The following LRP1 variants were observed in gnomAD, a reference collection of about 807,000 sequenced individuals.
LRP1 encodes LDL receptor related protein 1, also known as prolow-density lipoprotein receptor-related protein 1.
In LRP1, 51 loss-of-function variants were observed where a neutral mutation model predicts 541.5. The ratio of observed to expected loss-of-function variants is 0.09; its 90% CI spans 0.08 to 0.12. The LOEUF (loss-of-function observed/expected upper bound fraction) is 0.12, where lower values mean the gene tolerates loss of function less well. Among genes scored for constraint, LRP1 ranks in the 10% least tolerant of loss-of-function variants. The probability of loss-of-function intolerance (pLI) is 1.00; values close to 1 mark genes in which losing one functional copy is unlikely to be tolerated. For synonymous variants in LRP1, 2,219 were observed against 2,470.8 expected (o/e 0.90, Z 3.02); for missense variants, 3,878 against 6,376.2 (o/e 0.61, Z 13.34).
In LRP1 at chr12:57,173,659, C is replaced by A; in HGVS notation, c.3347-121C>A. The A allele has an allele frequency of 9.4e-7, 1 of 1,065,004 alleles. No individual in the cohort carries two copies. The highest frequency in any genetic ancestry group is 1.4e-5 in the South Asian group (1 of 71,502). The allele number at this position is 1,065,004 out of a possible 1,614,324, so 66.0% of individuals were successfully genotyped here. A position where few individuals can be genotyped will look rare whatever the true frequency, so the allele number is the denominator to read the frequency against. On this transcript the variant is annotated intron_variant, in intron 21 of 88. Transcript: ENST00000243077. The surrounding 1 kb of genome is among the most constrained non-coding windows in gnomAD (Gnocchi z 4.7). ...TTTGACCCAAAAAGCCTCGGGGTTC[C>A]TCGTGGACCCCACAGCGTTGCAATC...
chr12:57,204,986 T>C lies in LRP1; in HGVS notation c.11195-123T>C, dbSNP rs768526846. ...GAGGTGGGGCTGGGAACCCAAATGT[T>C]TGACCTGCTCCCCCTGCAAGCCTTG... On this transcript the variant is annotated intron_variant, in intron 72 of 88. Transcript: ENST00000243077. This position sits in a 1 kb window ranked among gnomAD's most constrained non-coding sequence, Gnocchi z 5.3. 1 of 1,452,276 alleles carries C rather than the reference T, an allele frequency of 6.9e-7. No individual in the cohort carries two copies. Among genetic ancestry groups the C allele is most frequent in the Non-Finnish European group, 9.3e-7 (1 of 1,074,654 alleles). 90.0% of individuals were successfully genotyped at this position (1,452,276 alleles called of 1,614,324 possible). A position where few individuals can be genotyped will look rare whatever the true frequency, so the allele number is the denominator to read the frequency against.
Position 57,194,388 on chromosome 12 carries a change from C to T in LRP1, c.7953C>T (p.Gly2651=), listed in dbSNP as rs768769217. 2 of 1,515,838 alleles carry T rather than the reference C, an allele frequency of 1.3e-6. No homozygotes were observed. Among genetic ancestry groups the T allele is most frequent in the South Asian group, 1.3e-5 (1 of 75,196 alleles). 93.9% of individuals were successfully genotyped at this position (1,515,838 alleles called of 1,614,324 possible). ...ACTGCAGCAGCTACTTCCGCCTGGGCGTGAAGGGCGTGCTCTTCCAGCCCT... is the reference window on the plus strand; with the variant it reads ...ACTGCAGCAGCTACTTCCGCCTGGGTGTGAAGGGCGTGCTCTTCCAGCCCT... ...ATDCSSYFRL[G]VKGVLFQPCE... Residue 2651 remains glycine (G), a synonymous_variant, in exon 49 of 89, where the codon GGC becomes GGT. Coordinates refer to ENST00000243077, the MANE Select transcript of LRP1 (RefSeq NM_002332.3).
In LRP1 at chr12:57,183,575, C is replaced by T; in HGVS notation, c.5794+65C>T. On this transcript the variant is annotated intron_variant, in intron 35 of 88. Coordinates refer to ENST00000243077, the MANE Select transcript of LRP1 (RefSeq NM_002332.3). The surrounding 1 kb of genome is among the most constrained non-coding windows in gnomAD (Gnocchi z 6.1). ...GGAGCTTTAGGGGTGGTGTGGTGTG[C>T]CCTGAGGGTCCAGTGAGAGGCTGCC... The T allele has an allele frequency of 1.9e-6, 3 of 1,554,574 alleles. No homozygotes were observed. The highest frequency in any genetic ancestry group is 1.9e-5 in the Admixed American group (1 of 53,662).
chr12:57,190,171 C>T (rs1355842448), intron 42 of LRP1, among the ~76,000 whole-genome samples: 1 of 152,162 alleles, frequency 6.6e-6, no homozygotes, highest in African/African-American at 2.4e-5. Flanking sequence ...GAAGGGGACT[C>T]TTGAGAGCTG....
chr12:57,166,189 A>T lies in LRP1; in HGVS notation c.2777A>T (p.Glu926Val). The change falls in exon 17 of 89, where the codon GAG becomes GTG. Residue 926 changes from glutamate (E) to valine (V), a missense_variant. Coordinates refer to ENST00000243077, the MANE Select transcript of LRP1 (RefSeq NM_002332.3). ...GDNDCGNSED[E>V]SNATCSARTC... ...AATGACTGTGGGAACAGTGAAGATG[A>T]GTCCAATGCCACTTGTTCAGGTGTG... The T allele has an allele frequency of 6.2e-7, 1 of 1,612,290 alleles. No homozygotes were observed. The highest frequency in any genetic ancestry group is 8.5e-7 in the Non-Finnish European group (1 of 1,179,208).
chr12:57,191,066 T>G (rs944882698), intron 43 of LRP1, 57 bp downstream of exon 43: 1 of 1,534,652 alleles, frequency 6.5e-7, no homozygotes, highest in Non-Finnish European at 8.8e-7. Flanking sequence ...AGGGCCAGGG[T>G]CAGCCGTCAA....
At chr12:57,151,204 A>T (rs2136670758) in intron 6 of LRP1, among the ~76,000 whole-genome samples, 1 of 152,278 alleles carries the variant, frequency 6.6e-6, no homozygotes, top group East Asian at 1.9e-4. Flanking sequence ...AATGGGAATG[A>T]TGGAGAAGTT....
rs2036844152 is a variant in LRP1 at position 57,208,798 on chromosome 12, C to G, written c.12126C>G (p.Asp4042Glu). 1 of 1,613,832 alleles carries G rather than the reference C, an allele frequency of 6.2e-7. No individual in the cohort carries two copies. Among genetic ancestry groups the G allele is most frequent in the African/African-American group, 1.3e-5 (1 of 74,912 alleles). The change falls in exon 78 of 89, where the codon GAC (aspartate) becomes GAG (glutamate). Residue 4042 changes from aspartate (D) to glutamate (E), a missense_variant. Physicochemically the swap from Asp to Glu is conservative, Grantham distance 45 (BLOSUM62 2). This residue lies in a region of LRP1 where 871 missense variants were observed against 1,212.4 expected (regional missense o/e 0.72). Coordinates refer to ENST00000243077, the MANE Select transcript of LRP1 (RefSeq NM_002332.3). ...CGCTTCGGGAGACACTGGTGCAGGA[C>G]AACATTCAGTGGCCCACAGGTTTGT... ...DGTLRETLVQ[D>E]NIQWPTGLAV...
At position 57,201,756 on chromosome 12, in the gene LRP1, C is replaced by T. The variant is rs1335214190; in HGVS notation, c.10469-24C>T. ...ACACTCCTGGAAGGAGTCTCATCCT[C>T]ACCCCATGCCCACCCGCTTGCAGCC... is the stretch of plus-strand genomic sequence containing the variant. On this transcript the variant is annotated intron_variant, in intron 66 of 88. Coordinates refer to ENST00000243077, the MANE Select transcript of LRP1 (RefSeq NM_002332.3). The surrounding 1 kb of genome is among the most constrained non-coding windows in gnomAD (Gnocchi z 6.4). 1.2e-6 allele frequency: 2 copies of T among 1,612,912 alleles called. No homozygotes were observed. Among genetic ancestry groups the T allele is most frequent in the East Asian group, 2.2e-5 (1 of 44,868 alleles).
At position 57,154,808 on chromosome 12, in the gene LRP1, G is replaced by A. The variant is rs1420891408; in HGVS notation, c.1227+107G>A. ...ACCGTTCTCTGAGTCTCCTGGTAAA[G>A]AGCGTGGATGCCCCAGGCCTCTAGT... On this transcript the variant is annotated intron_variant, in intron 8 of 88. Transcript: ENST00000243077. The surrounding 1 kb of genome is among the most constrained non-coding windows in gnomAD (Gnocchi z 4.6). 4.1e-5 allele frequency: 42 copies of A among 1,030,318 alleles called. No homozygotes were observed. The highest frequency in any genetic ancestry group is 6.0e-5 in the Non-Finnish European group (41 of 681,310). The allele number at this position is 1,030,318 out of a possible 1,614,324, so 63.8% of individuals were successfully genotyped here.
chr12:57,195,622 G>T, intron 52 of LRP1, 36 bp from the exon 53 acceptor site: 2 of 1,613,756 alleles, frequency 1.2e-6, no homozygotes, highest in Non-Finnish European at 1.7e-6. Flanking sequence ...CGCTGGCCAG[G>T]CAGGGCTGAA....
Position 57,173,136 on chromosome 12 carries a change from C to T in LRP1, c.3164-32C>T, listed in dbSNP as rs1229455179. The T allele has an allele frequency of 6.4e-7, 1 of 1,562,332 alleles. No individual in the cohort carries two copies. The highest frequency in any genetic ancestry group is 2.1e-4 in the Middle Eastern group (1 of 4,752). ...AGGAGGGCTGACCTGGGCAACCCCT[C>T]CCTCCTGAGGCCCTCCACTGTCCCT... On this transcript the variant is annotated intron_variant, in intron 20 of 88. Transcript: ENST00000243077. The surrounding 1 kb of genome is among the most constrained non-coding windows in gnomAD (Gnocchi z 4.7).
At position 57,190,995 on chromosome 12, in the gene LRP1, G is replaced by A. The variant is rs1440501744; in HGVS notation, c.7222G>A (p.Gly2408Ser). 1 of 1,610,858 alleles carries A rather than the reference G, an allele frequency of 6.2e-7. No individual in the cohort carries two copies. The highest frequency in any genetic ancestry group is 8.5e-7 in the Non-Finnish European group (1 of 1,179,834). ...LDKIERCEYD[G>S]SHRYVILKSE... ...CAAGATCGAGCGGTGCGAGTATGAC[G>A]GCTCCCACCGCTATGTGAGTCTGCG... The change falls in exon 43 of 89, where the codon GGC (glycine) becomes AGC (serine). Residue 2408 changes from glycine (G) to serine (S), a missense_variant. Around this residue, in one of 13 missense-constraint regions of LRP1, gnomAD observed 1,100 missense variants for 1,827.4 expected, o/e 0.60. Coordinates refer to ENST00000243077, the MANE Select transcript of LRP1 (RefSeq NM_002332.3).
At position 57,187,289 on chromosome 12, in the gene LRP1, G is replaced by A. The variant is rs1161048368; in HGVS notation, c.6864G>A (p.Leu2288=). 2 of 1,613,860 alleles carry A rather than the reference G, an allele frequency of 1.2e-6. No homozygotes were observed. The highest frequency in any genetic ancestry group is 1.7e-5 in the Admixed American group (1 of 59,998). ...IVENVGSVEG[L]AYHRGWDTLY... The stretch of plus-strand genomic sequence containing the variant: ...CAGACGTGGGCTCCGTGGAAGGCCT[G>A]GCCTATCACCGTGGCTGGGACACTC... Residue 2288 remains leucine, a synonymous_variant, in exon 42 of 89, where the codon CTG becomes CTA. Transcript: ENST00000243077.
rs775036140 is a variant in LRP1 at position 57,211,389 on chromosome 12, C to A, written c.13091+39C>A. 2.5e-6 allele frequency: 4 copies of A among 1,610,572 alleles called. No homozygotes were observed. The South Asian group carries it at 4.4e-5, about 18-fold the overall frequency. ...TCCTCCACAGTTCCACCCAGCTGGG[C>A]CCCTGCCCTGTCCTAGCCCTGCCCT... On this transcript the variant is annotated intron_variant, in intron 84 of 88. Transcript: ENST00000243077. The surrounding 1 kb of genome is among the most constrained non-coding windows in gnomAD (Gnocchi z 4.3).
rs1379680482 is a variant in LRP1 at position 57,158,152 on chromosome 12, G to A, written c.1562-250G>A. 6.6e-6 allele frequency among the ~76,000 whole-genome samples: 1 copy of A among 152,206 alleles called. No individual in the cohort carries two copies. The highest frequency in any genetic ancestry group is 1.5e-5 in the Non-Finnish European group (1 of 68,032). ...ATGACTGATCAGTGGGCACTTAGCTGAAAACCTGCTATTCTTCCCTCATTT... is the reference window on the plus strand; with the variant it reads ...ATGACTGATCAGTGGGCACTTAGCTAAAAACCTGCTATTCTTCCCTCATTT... On this transcript the variant is annotated intron_variant, in intron 10 of 88. Coordinates refer to ENST00000243077, the MANE Select transcript of LRP1 (RefSeq NM_002332.3). This position sits in a 1 kb window ranked among gnomAD's most constrained non-coding sequence, Gnocchi z 5.3.
chr12:57,187,533 A>G, intron 42 of LRP1, 77 bp downstream of exon 42: 1 of 1,442,152 alleles, frequency 6.9e-7, no homozygotes, highest in South Asian at 1.3e-5. Context: ...GGCAGATCCA[A>G]GCGGGGGTGC....
In LRP1 at chr12:57,197,089, T is replaced by A; in HGVS notation, c.9000T>A (p.His3000Gln). ...FPCSQRCINT[H>Q]GSYKCLCVEG... ...GCAGCCAGCGCTGCATCAACACTCA[T>A]GGCAGCTATAAGTGTCTGTGTGTGG... The change falls in exon 56 of 89, where the codon CAT becomes CAA. Residue 3000 changes from histidine (H) to glutamine (Q), a missense_variant. His to Gln is a conservative substitution (Grantham distance 24). Coordinates refer to ENST00000243077, the MANE Select transcript of LRP1 (RefSeq NM_002332.3). This position sits in a 1 kb window ranked among gnomAD's most constrained non-coding sequence, Gnocchi z 4.5. The A allele has an allele frequency of 6.2e-7, 1 of 1,614,036 alleles. No individual in the cohort carries two copies. The highest frequency in any genetic ancestry group is 8.5e-7 in the Non-Finnish European group (1 of 1,179,946).
Position 57,203,675 on chromosome 12 carries a change from G to A in LRP1, c.10951+154G>A, listed in dbSNP as rs982607932. On this transcript the variant is annotated intron_variant, in intron 70 of 88. Coordinates refer to ENST00000243077, the MANE Select transcript of LRP1 (RefSeq NM_002332.3). Reference sequence around the variant, plus strand: ...CCATGTACCAGGCACTGCCATAGGTGTTAGGGACGTAGTAGTAAACAAGAC... The same window carrying A: ...CCATGTACCAGGCACTGCCATAGGTATTAGGGACGTAGTAGTAAACAAGAC... 6.9e-6 allele frequency: 7 copies of A among 1,010,616 alleles called. No individual in the cohort carries two copies. In the South Asian group the frequency reaches 1.2e-4, roughly 18 times the overall value. 62.6% of individuals were successfully genotyped at this position (1,010,616 alleles called of 1,614,324 possible).
Sources: allele counts gnomAD v4.1 joint callset (sites outside exome capture counted in the v4.1 genomes callset), GRCh38; gene constraint gnomAD v4.1.1; regional missense constraint gnomAD v4.1.1; non-coding constraint Gnocchi (gnomAD v3.1); transcripts MANE v1.5; gene names NCBI Gene and HGNC (gene_info 2026-07-23, HGNC 2026-07-21).